Variants in NUDT9 observed in about 807,000 individuals in gnomAD.
The protein encoded by NUDT9 is nudix hydrolase 9.
In NUDT9, 31 loss-of-function variants were observed where a neutral mutation model predicts 41.0. The observed-to-expected ratio is 0.76, with a 90% CI of 0.57 to 1.02. The LOEUF (loss-of-function observed/expected upper bound fraction) is 1.02, where lower values mean the gene tolerates loss of function less well. NUDT9 is among the 50% of genes least tolerant of loss of function. The probability of loss-of-function intolerance (pLI) is 0.00; values close to 1 mark genes in which losing one functional copy is unlikely to be tolerated. For synonymous variants in NUDT9, 146 were observed against 147.6 expected, an observed-to-expected ratio of 0.99 and a Z score of 0.08; for missense variants, 380 against 431.4, an observed-to-expected ratio of 0.88 and a Z score of 1.06.
chr4:87,456,845 C>T (rs957907774), intron 7 of NUDT9, among the ~76,000 whole-genome samples: 6 of 152,122 alleles, frequency 3.9e-5, no homozygotes, highest in Admixed American at 1.3e-4. Flanking sequence ...GCAGGAGAAT[C>T]GCTTGTACTC....
intron 6 of NUDT9, among the ~76,000 whole-genome samples, chr4:87,453,540 C>T (rs1247111541): frequency 6.6e-6 from 1 of 152,092 alleles, no homozygotes; most frequent in Non-Finnish European, 1.5e-5. Context: ...TGCGATTCTC[C>T]TGCCTCAGCC....
At chr4:87,449,036 A>T (rs1396248085) in intron 4 of NUDT9, 106 bp from the exon 5 acceptor site, 1 of 624,758 alleles carries the variant, frequency 1.6e-6, no homozygotes, top group Admixed American at 2.8e-5. Flanking sequence ...ATAAATTTAT[A>T]TATACTCTGC....
At chr4:87,439,895 G>A (rs1040804112) in intron 3 of NUDT9, among the ~76,000 whole-genome samples, 1 of 152,154 alleles carries the variant, frequency 6.6e-6, no homozygotes, top group Non-Finnish European at 1.5e-5. Flanking sequence ...AAGGATCACA[G>A]ATTTGAAATC....
At position 87,457,941 on chromosome 4, in the gene NUDT9, T is replaced by C; in HGVS notation, c.973T>C (p.Ser325Pro). ...NDKLKLYASH[S>P]QFIKLVAEKR... ...TAAACTGAAGCTTTATGCCAGTCAC[T>C]CTCAATTCATCAAACTTGTGGCTGA... Residue 325 changes from serine to proline, a missense_variant, in exon 8 of 8, where the codon TCT becomes CCT. Ser to Pro is a moderately conservative substitution (Grantham distance 74). Coordinates refer to ENST00000302174, the MANE Select transcript of NUDT9 (RefSeq NM_024047.5). The C allele has an allele frequency of 1.3e-6, 2 of 1,598,084 alleles. No homozygotes were observed. Among genetic ancestry groups the C allele is most frequent in the Non-Finnish European group, 1.7e-6 (2 of 1,175,072 alleles).
intron 1 of NUDT9, among the ~76,000 whole-genome samples, chr4:87,423,927 G>C: frequency 6.6e-6 from 1 of 152,154 alleles, no homozygotes. Context: ...TTGCAGTAGT[G>C]GTGGAGCAAC....
chr4:87,454,994 A>G (rs1722924230), intron 7 of NUDT9, among the ~76,000 whole-genome samples: 2 of 152,246 alleles, frequency 1.3e-5, no homozygotes, highest in African/African-American at 4.8e-5. Context: ...AGAAGGAGAA[A>G]GGAAAAATCT....
intron 1 of NUDT9, among the ~76,000 whole-genome samples, chr4:87,427,336 G>A (rs1191882742): frequency 2.0e-5 from 3 of 152,102 alleles, no homozygotes; most frequent in Non-Finnish European, 4.4e-5. Flanking sequence ...ATTGGTTTTT[G>A]CCATGTAAAT....
chr4:87,434,315 A>G, intron 1 of NUDT9: 1 of 151,940 alleles, frequency 6.6e-6, no homozygotes, highest in Non-Finnish European at 1.5e-5. Flanking sequence ...AAGTGCTGGG[A>G]TTACAGATAT....
chr4:87,450,015 C>T (rs887062547), intron 5 of NUDT9, among the ~76,000 whole-genome samples: 4 of 151,956 alleles, frequency 2.6e-5, no homozygotes, highest in African/African-American at 7.3e-5. Flanking sequence ...AAGTGTGTGC[C>T]GCTATGCCTG....
chr4:87,442,120 G>T (rs1220645550), intron 4 of NUDT9, among the ~76,000 whole-genome samples: 1 of 152,140 alleles, frequency 6.6e-6, no homozygotes, highest in Non-Finnish European at 1.5e-5. Context: ...TTGTTGTTGT[G>T]TGAACATCAT....
intron 5 of NUDT9, among the ~76,000 whole-genome samples, chr4:87,449,539 G>T (rs1005121971): frequency 6.6e-6 from 1 of 152,132 alleles, no homozygotes; most frequent in African/African-American, 2.4e-5. Context: ...GCAGCTGGGT[G>T]ATTGGGAGTT....
At position 87,426,561 on chromosome 4, in the gene NUDT9, C is replaced by T. The variant is rs1721431923; in HGVS notation, c.107+3549C>T. Among the ~76,000 whole-genome samples, 3 of 151,934 alleles carry T rather than the reference C, an allele frequency of 2.0e-5. No homozygotes were observed. The South Asian group carries it at 6.2e-4, about 32-fold the overall frequency. On this transcript the variant is annotated intron_variant, in intron 1 of 7. Transcript: ENST00000302174. ...AGTAGCTAGGATTACAGGCGTCTGCCACCATGCCTAGCTAATTTTTTTGTA... is the reference window on the plus strand; with the variant it reads ...AGTAGCTAGGATTACAGGCGTCTGCTACCATGCCTAGCTAATTTTTTTGTA...
At chr4:87,441,808 A>G (rs1212840518) in intron 3 of NUDT9, 21 bp from the exon 4 acceptor site, 2 of 1,598,180 alleles carry the variant, frequency 1.3e-6, no homozygotes, top group African/African-American at 1.3e-5. Context: ...AATTGATTTT[A>G]TGCTTTTTTT....
Position 87,454,405 on chromosome 4 carries a change from C to T in NUDT9, c.824C>T (p.Thr275Ile). ...YKGYVDDPRN[T>I]DNAWMETEAV... Reference sequence around the variant, plus strand: ...GGATATGTTGATGATCCTCGAAACACTGATAATGCATGGATGGAGACAGAA... The same window carrying T: ...GGATATGTTGATGATCCTCGAAACATTGATAATGCATGGATGGAGACAGAA... Residue 275 changes from threonine (T) to isoleucine (I), a missense_variant, in exon 7 of 8, where the codon ACT becomes ATT. Thr to Ile is a moderately conservative substitution (Grantham distance 89, BLOSUM62 -1). Coordinates refer to ENST00000302174, the MANE Select transcript of NUDT9 (RefSeq NM_024047.5). 1 of 1,612,162 alleles carries T rather than the reference C, an allele frequency of 6.2e-7. No individual in the cohort carries two copies. Among genetic ancestry groups the T allele is most frequent in the East Asian group, 2.2e-5 (1 of 44,838 alleles).
chr4:87,446,145 T>C (rs1722441888), intron 4 of NUDT9, among the ~76,000 whole-genome samples: 1 of 152,138 alleles, frequency 6.6e-6, no homozygotes, highest in Admixed American at 6.5e-5. Context: ...GAGCAGTAGC[T>C]GTATTGAGTC....
At chr4:87,454,760 T>G (rs1301304773) in intron 7 of NUDT9, among the ~76,000 whole-genome samples, 1 of 152,184 alleles carries the variant, frequency 6.6e-6, no homozygotes, top group African/African-American at 2.4e-5. Context: ...TATAGTTCCC[T>G]TTTTTTGCAA....
intron 2 of NUDT9, among the ~76,000 whole-genome samples, chr4:87,436,530 C>T (rs910691505): frequency 5.3e-5 from 8 of 151,842 alleles, no homozygotes; most frequent in Non-Finnish European, 1.0e-4. Context: ...AGTCTGGTCT[C>T]GAACTCCTGA....
At chr4:87,441,991 G>A in intron 4 of NUDT9, 76 bp downstream of exon 4, 1 of 918,846 alleles carries the variant, frequency 1.1e-6, no homozygotes. Flanking sequence ...CTATGTTTGT[G>A]TATATATGTA....
rs1426725690 is a variant in NUDT9, at chr4:87,458,271, CTTAAA to C, written c.*258_*262del. On this transcript the variant is annotated 3_prime_UTR_variant, in exon 8 of 8. Coordinates refer to ENST00000302174, the MANE Select transcript of NUDT9 (RefSeq NM_024047.5). The stretch of plus-strand genomic sequence containing the variant: ...TTGTATGTATTCGATTTAAGCATGG[CTTAAA>C]TTAAATTTAAACAACTAATGCTCTT... 13 of 311,274 alleles carry C rather than the reference CTTAAA, an allele frequency of 4.2e-5. No homozygotes were observed. Among genetic ancestry groups the C allele is most frequent in the Admixed American group, 2.9e-4 (6 of 20,344 alleles). 19.3% of individuals were successfully genotyped at this position (311,274 alleles called of 1,614,324 possible).
Sources: allele counts gnomAD v4.1 joint callset (sites outside exome capture counted in the v4.1 genomes callset), GRCh38; gene constraint gnomAD v4.1.1; transcripts MANE v1.5; gene names NCBI Gene and HGNC (gene_info 2026-07-23, HGNC 2026-07-21).